RALYL: variants seen among roughly 807,000 people sequenced by gnomAD.
RALYL encodes the protein RNA-binding Raly-like protein.
A neutral mutation model predicts 35.1 loss-of-function variants in RALYL; 29 were observed. The ratio of observed to expected loss-of-function variants is 0.83; its 90% CI spans 0.61 to 1.13. The LOEUF is 1.13. Among genes scored for constraint, RALYL ranks in the 50% most tolerant of loss-of-function variants. RALYL has a pLI of 0.00. For synonymous variants in RALYL, 120 were observed against 127.6 expected (o/e 0.94, Z 0.40); for missense variants, 359 against 360.4 (o/e 1.00, Z 0.03).
chr8:84,677,464 G>T (rs1834443573), intron 2 of RALYL, among the ~76,000 whole-genome samples: 1 of 152,068 alleles, frequency 6.6e-6, no homozygotes, highest in African/African-American at 2.4e-5. Context: ...ACTAAGAAAT[G>T]ATATGTTATA....
chr8:84,448,174 T>G (rs2133121056), intron 1 of RALYL, among the ~76,000 whole-genome samples: 1 of 152,106 alleles, frequency 6.6e-6, no homozygotes, highest in South Asian at 2.1e-4. Flanking sequence ...TTATCTTTAT[T>G]AGCAACCACC....
At chr8:84,677,669 AT>A (rs1834491615) in intron 2 of RALYL, among the ~76,000 whole-genome samples, 1 of 152,212 alleles carries the variant, frequency 6.6e-6, no homozygotes, top group South Asian at 2.1e-4. Context: ...ATTTATTGAT[AT>A]TTTGTGCAAT....
At chr8:84,732,683 T>TATATATACACACACAC in intron 2 of RALYL, among the ~76,000 whole-genome samples, 6 of 133,252 alleles carry the variant, frequency 4.5e-5, no homozygotes, top group Admixed American at 2.2e-4. Context: ...TATATATATA[T>TATATATACACACACAC]ACACACACAC....
chr8:84,785,211 G>A (rs753375434), intron 3 of RALYL, among the ~76,000 whole-genome samples: 30 of 151,784 alleles, frequency 2.0e-4, no homozygotes, highest in Admixed American at 1.1e-3. Flanking sequence ...GATGATGAGA[G>A]TTTATGTTTT....
At chr8:84,218,939 C>A (rs1821509169) in intron 1 of RALYL, among the ~76,000 whole-genome samples, 1 of 152,088 alleles carries the variant, frequency 6.6e-6, no homozygotes, top group Admixed American at 6.6e-5. Flanking sequence ...TCCTTTTAAA[C>A]TCTTCCAAAG....
intron 2 of RALYL, among the ~76,000 whole-genome samples, chr8:84,563,064 C>T (rs1291393830): frequency 6.6e-6 from 1 of 151,840 alleles, no homozygotes; most frequent in Non-Finnish European, 1.5e-5. Context: ...CCCTTTGTAA[C>T]AGATGAACTG....
At chr8:84,573,179 A>G (rs1259147056) in intron 2 of RALYL, among the ~76,000 whole-genome samples, 2 of 151,284 alleles carry the variant, frequency 1.3e-5, no homozygotes, top group African/African-American at 4.8e-5. Context: ...TTTTATTCAT[A>G]TATTTATAAT....
chr8:84,734,960 A>AAT (rs140082748), intron 2 of RALYL, among the ~76,000 whole-genome samples: 17 of 151,412 alleles, frequency 1.1e-4, no homozygotes, highest in South Asian at 4.2e-4. Context: ...TTAAAACATG[A>AAT]ATATATATAT....
At chr8:84,197,217 G>T (rs1586092052) in intron 1 of RALYL, among the ~76,000 whole-genome samples, 1 of 152,148 alleles carries the variant, frequency 6.6e-6, no homozygotes, top group East Asian at 1.9e-4. Flanking sequence ...CTAGTTATCT[G>T]TTTCCTGCAT....
At chr8:84,292,940 T>A (rs1839039120) in intron 1 of RALYL, among the ~76,000 whole-genome samples, 1 of 152,142 alleles carries the variant, frequency 6.6e-6, no homozygotes, top group Admixed American at 6.5e-5. Context: ...TTTCTTTTGG[T>A]CTCAATCTCC....
intron 2 of RALYL, among the ~76,000 whole-genome samples, chr8:84,764,468 C>T (rs753183994): frequency 2.6e-5 from 4 of 151,944 alleles, no homozygotes; most frequent in African/African-American, 7.2e-5. Context: ...TGCTTTTTTT[C>T]ACTTCAGTTT....
At chr8:84,499,349 T>G (rs968425869) in intron 1 of RALYL, among the ~76,000 whole-genome samples, 3 of 152,334 alleles carry the variant, frequency 2.0e-5, no homozygotes, top group Non-Finnish European at 2.9e-5. Flanking sequence ...ATACTTGTTT[T>G]GGGAAATGGG....
chr8:84,566,499 C>T (rs1254160859), intron 2 of RALYL, among the ~76,000 whole-genome samples: 1 of 151,488 alleles, frequency 6.6e-6, no homozygotes, highest in Non-Finnish European at 1.5e-5. Flanking sequence ...TCACATTATA[C>T]TTTATTATAT....
intron 1 of RALYL, among the ~76,000 whole-genome samples, chr8:84,341,246 G>T (rs1848737704): frequency 6.7e-6 from 1 of 149,824 alleles, no homozygotes; most frequent in African/African-American, 2.5e-5. Flanking sequence ...TTGCCAATGA[G>T]AGACTAAATA....
At chr8:84,584,170 T>C (rs1490180498) in intron 2 of RALYL, among the ~76,000 whole-genome samples, 1 of 152,192 alleles carries the variant, frequency 6.6e-6, no homozygotes, top group Non-Finnish European at 1.5e-5. Context: ...AGTCACCCTG[T>C]TGTGCTATCA....
chr8:84,876,355 C>T (rs932797133), intron 7 of RALYL, among the ~76,000 whole-genome samples: 3 of 152,174 alleles, frequency 2.0e-5, no homozygotes, highest in African/African-American at 4.8e-5. Flanking sequence ...TTTTCCATTA[C>T]ATCACACAAC....
At chr8:84,618,344 T>G (rs370545198) in intron 2 of RALYL, among the ~76,000 whole-genome samples, 1 of 151,762 alleles carries the variant, frequency 6.6e-6, no homozygotes, top group African/African-American at 2.4e-5. Flanking sequence ...GTCGAGGAAT[T>G]TATCCATTTC....
Position 84,361,694 on chromosome 8 carries a change from A to AT in RALYL, c.-23-167604dup, listed in dbSNP as rs1179450346. Among the ~76,000 whole-genome samples the AT allele has an allele frequency of 2.6e-5, 4 of 152,326 alleles. No homozygotes were observed. In the South Asian group the frequency reaches 8.3e-4, roughly 32 times the overall value. ...AAGGCCAAATGTGGGGAAAGCAGGA[A>AT]TCAAAGGCTGGAGGTAGGGGAAATT... On this transcript the variant is annotated intron_variant, in intron 1 of 8. Coordinates refer to ENST00000521268, the MANE Select transcript of RALYL (RefSeq NM_173848.7).
At chr8:84,749,275 T>G (rs1242788175) in intron 2 of RALYL, among the ~76,000 whole-genome samples, 1 of 152,148 alleles carries the variant, frequency 6.6e-6, no homozygotes, top group Non-Finnish European at 1.5e-5. Context: ...ATCCACATTA[T>G]TCTAATAGTG....
Sources: allele counts gnomAD v4.1 joint callset (sites outside exome capture counted in the v4.1 genomes callset), GRCh38; gene constraint gnomAD v4.1.1; transcripts MANE v1.5; gene names NCBI Gene and HGNC (gene_info 2026-07-23, HGNC 2026-07-21).